ERBB4: variants seen among roughly 807,000 people sequenced by gnomAD.
The protein encoded by ERBB4 is receptor tyrosine-protein kinase erbB-4.
ERBB4 carries 42 observed loss-of-function variants against 158.0 expected under a neutral mutation model. The observed-to-expected ratio is 0.27, with a 90% CI of 0.21 to 0.34. The LOEUF (loss-of-function observed/expected upper bound fraction) is 0.34, where lower values mean the gene tolerates loss of function less well. ERBB4 is among the 10% of genes least tolerant of loss of function. The pLI, the probability that ERBB4 is intolerant of heterozygous loss-of-function variation, is 1.00. For synonymous variants in ERBB4, 583 were observed against 558.7 expected (o/e 1.04, Z -0.61); for missense variants, 1,333 against 1,624.1 (o/e 0.82, Z 3.08).
intron 20 of ERBB4, among the ~76,000 whole-genome samples, chr2:211,556,934 G>T (rs749981399): frequency 2.0e-4 from 30 of 152,092 alleles, no homozygotes; most frequent in Non-Finnish European, 3.7e-4. Context: ...TGGAATAGAA[G>T]AAAGAACCCA....
At chr2:212,057,058 G>A (rs2077600276) in intron 2 of ERBB4, among the ~76,000 whole-genome samples, 1 of 152,088 alleles carries the variant, frequency 6.6e-6, no homozygotes, top group Non-Finnish European at 1.5e-5. Flanking sequence ...GACACACATA[G>A]GCTCAAAATA....
At chr2:211,771,826 GA>G (rs1244324981) in intron 4 of ERBB4, among the ~76,000 whole-genome samples, 1 of 152,084 alleles carries the variant, frequency 6.6e-6, no homozygotes. Context: ...CTCTTATAGA[GA>G]AAAATGATAA....
chr2:212,065,879 G>T (rs1337894814), intron 2 of ERBB4, among the ~76,000 whole-genome samples: 1 of 152,028 alleles, frequency 6.6e-6, no homozygotes, highest in African/African-American at 2.4e-5. Context: ...CTTGTTCTCA[G>T]TGAAGCGATG....
At chr2:211,785,110 T>G (rs1295836285) in intron 4 of ERBB4, among the ~76,000 whole-genome samples, 1 of 144,684 alleles carries the variant, frequency 6.9e-6, no homozygotes, top group African/African-American at 2.5e-5. Flanking sequence ...TTTTTTTTTT[T>G]TTTATTTTTT....
At chr2:211,401,850 C>T (rs888270594) in intron 25 of ERBB4, among the ~76,000 whole-genome samples, 6 of 151,498 alleles carry the variant, frequency 4.0e-5, no homozygotes, top group African/African-American at 2.4e-5. Flanking sequence ...GCTCTTCTAC[C>T]AATAAATAGC....
chr2:211,870,361 A>G (rs1424185771), intron 3 of ERBB4, among the ~76,000 whole-genome samples: 1 of 152,164 alleles, frequency 6.6e-6, no homozygotes, highest in African/African-American at 2.4e-5. Flanking sequence ...GTGGAATTGT[A>G]TTGAAATATA....
At chr2:211,485,844 C>T (rs1156417656) in intron 20 of ERBB4, among the ~76,000 whole-genome samples, 1 of 147,242 alleles carries the variant, frequency 6.8e-6, no homozygotes, top group Non-Finnish European at 1.5e-5. Flanking sequence ...TATCCTAAAA[C>T]TTAAAGTATA....
rs536867268 is a variant in ERBB4 at position 212,276,678 on chromosome 2, G to T, written c.83-151775C>A. On this transcript the variant is annotated intron_variant, in intron 1 of 27. Coordinates refer to ENST00000342788, the MANE Select transcript of ERBB4 (RefSeq NM_005235.3). ...GATCATCCAGGGCCAAAATGTGCTCGCTATCAGATGAGTAACTCATAGTTC... is the reference window on the plus strand; with the variant it reads ...GATCATCCAGGGCCAAAATGTGCTCTCTATCAGATGAGTAACTCATAGTTC... Among the ~76,000 whole-genome samples, 3 of 151,832 alleles carry T rather than the reference G, an allele frequency of 2.0e-5. No individual in the cohort carries two copies. In the South Asian group the frequency reaches 6.2e-4, roughly 31 times the overall value.
chr2:211,542,236 G>T (rs1047628885), intron 20 of ERBB4, among the ~76,000 whole-genome samples: 2 of 152,026 alleles, frequency 1.3e-5, no homozygotes, highest in Admixed American at 6.6e-5. Flanking sequence ...TGCTGGAATG[G>T]TTTCTCAGTG....
intron 17 of ERBB4, among the ~76,000 whole-genome samples, chr2:211,626,897 C>A (rs1574882118): frequency 6.6e-6 from 1 of 150,856 alleles, no homozygotes; most frequent in Admixed American, 6.6e-5. Flanking sequence ...TGCACTCCAG[C>A]CTGAGCGACA....
chr2:212,264,272 A>G (rs966127756), intron 1 of ERBB4, among the ~76,000 whole-genome samples: 1 of 152,072 alleles, frequency 6.6e-6, no homozygotes, highest in Non-Finnish European at 1.5e-5. Context: ...TCCTTTCACT[A>G]AGGAAAAGCT....
At chr2:212,526,865 A>G (rs1337518378) in intron 1 of ERBB4, among the ~76,000 whole-genome samples, 1 of 152,122 alleles carries the variant, frequency 6.6e-6, no homozygotes, top group Non-Finnish European at 1.5e-5. Context: ...TGCTAGTTGC[A>G]CAGCTGTATT....
At chr2:211,786,535 C>G (rs1393073385) in intron 4 of ERBB4, among the ~76,000 whole-genome samples, 1 of 152,168 alleles carries the variant, frequency 6.6e-6, no homozygotes, top group Non-Finnish European at 1.5e-5. Context: ...ATAGGCACAA[C>G]CATCCAAATT....
rs750550629 is a variant in ERBB4 at position 211,947,421 on chromosome 2, AT to A, written c.421+8del. The A allele has an allele frequency of 3.1e-6, 5 of 1,610,546 alleles. No individual in the cohort carries two copies. The African/African-American group carries it at 5.3e-5, about 17-fold the overall frequency. On this transcript the variant is annotated splice_region_variant and intron_variant, in intron 3 of 27. Transcript: ENST00000342788. ...AAAGCATATTTGCCATTTTGGATATATTCCTTACCTGTCAAGTTCTTTAATC... is the reference window on the plus strand; with the variant it reads ...AAAGCATATTTGCCATTTTGGATATATCCTTACCTGTCAAGTTCTTTAATC...
intron 2 of ERBB4, among the ~76,000 whole-genome samples, chr2:212,116,558 C>A (rs893943572): frequency 6.6e-6 from 1 of 152,112 alleles, no homozygotes; most frequent in Non-Finnish European, 1.5e-5. Flanking sequence ...CATGATCCTC[C>A]CACCTCAGCC....
At chr2:211,592,512 T>C (rs940145906) in intron 19 of ERBB4, among the ~76,000 whole-genome samples, 2 of 152,182 alleles carry the variant, frequency 1.3e-5, no homozygotes, top group Admixed American at 6.5e-5. Flanking sequence ...ATGTCTGACA[T>C]GTCAGCATCC....
At chr2:211,699,686 T>C (rs1299079437) in intron 12 of ERBB4, among the ~76,000 whole-genome samples, 1 of 152,012 alleles carries the variant, frequency 6.6e-6, no homozygotes, top group Admixed American at 6.6e-5. Flanking sequence ...AAGTCAATTC[T>C]TATGCACAGA....
At chr2:211,543,046 A>T (rs907651321) in intron 20 of ERBB4, among the ~76,000 whole-genome samples, 2 of 151,962 alleles carry the variant, frequency 1.3e-5, no homozygotes, top group East Asian at 3.9e-4. Flanking sequence ...GGGGATAGAA[A>T]AATTTAGAAC....
intron 1 of ERBB4, among the ~76,000 whole-genome samples, chr2:212,324,240 G>C (rs1189357495): frequency 6.7e-6 from 1 of 150,302 alleles, no homozygotes; most frequent in African/African-American, 2.4e-5. Flanking sequence ...AAAGTAACCC[G>C]TATTACTCTA....
Sources: gnomAD v4.1 joint callset for allele counts (sites outside exome capture counted in the v4.1 genomes callset) on GRCh38, gnomAD v4.1.1 for gene constraint, MANE v1.5 for transcripts, NCBI Gene and HGNC (gene_info 2026-07-23, HGNC 2026-07-21) for gene names.